The following DPYD variants were observed in gnomAD, a reference collection of about 807,000 sequenced individuals.
DPYD encodes dihydropyrimidine dehydrogenase, also known as dihydropyrimidine dehydrogenase [NADP(+)].
In DPYD, 109 loss-of-function variants were observed where a neutral mutation model predicts 116.2. The ratio of observed to expected loss-of-function variants is 0.94; its 90% CI spans 0.80 to 1.10. DPYD has a LOEUF of 1.10. Ranked by LOEUF, DPYD falls within the 50% of genes least tolerant of loss-of-function variation. DPYD has a pLI of 0.00. For synonymous variants in DPYD, 440 were observed against 432.0 expected, an observed-to-expected ratio of 1.02 and a Z score of -0.23; for missense variants, 1,302 against 1,254.5, an observed-to-expected ratio of 1.04 and a Z score of -0.57.
At chr1:97,599,987 G>T (rs1003350437) in intron 8 of DPYD, among the ~76,000 whole-genome samples, 5 of 151,526 alleles carry the variant, frequency 3.3e-5, no homozygotes, top group Non-Finnish European at 2.9e-5. Flanking sequence ...AGAGGTTGCA[G>T]TGAGCTGAGA....
At chr1:97,606,456 C>T (rs887694686) in intron 8 of DPYD, among the ~76,000 whole-genome samples, 2 of 151,866 alleles carry the variant, frequency 1.3e-5, no homozygotes, top group Non-Finnish European at 2.9e-5. Context: ...CATTCTAAAG[C>T]TGAGTCTTAA....
intron 12 of DPYD, among the ~76,000 whole-genome samples, chr1:97,539,125 T>A (rs1650231819): frequency 6.6e-6 from 1 of 152,202 alleles, no homozygotes; most frequent in Non-Finnish European, 1.5e-5. Context: ...GTTGTTGTTT[T>A]TATTGTTGTT....
At chr1:97,604,209 C>G (rs1292049540) in intron 8 of DPYD, among the ~76,000 whole-genome samples, 2 of 152,122 alleles carry the variant, frequency 1.3e-5, no homozygotes, top group Admixed American at 6.6e-5. Flanking sequence ...CTAATGAGCT[C>G]TTGGCTCTGT....
intron 3 of DPYD, among the ~76,000 whole-genome samples, chr1:97,825,721 T>C (rs905186061): frequency 3.3e-5 from 5 of 151,684 alleles, no homozygotes; most frequent in African/African-American, 1.2e-4. Flanking sequence ...TGTATACATA[T>C]GTAACTAACC....
intron 8 of DPYD, among the ~76,000 whole-genome samples, chr1:97,630,267 T>C (rs970014660): frequency 6.6e-6 from 1 of 152,162 alleles, no homozygotes; most frequent in South Asian, 2.1e-4. Context: ...TAAAGTTTTC[T>C]GTGCAATTTG....
At chr1:97,765,479 C>T (rs1336421075) in intron 3 of DPYD, among the ~76,000 whole-genome samples, 1 of 152,180 alleles carries the variant, frequency 6.6e-6, no homozygotes, top group Non-Finnish European at 1.5e-5. Context: ...ACAGTCAACA[C>T]AGAGAATCTA....
chr1:97,676,725 C>T (rs1358219922), intron 8 of DPYD, among the ~76,000 whole-genome samples: 7 of 152,142 alleles, frequency 4.6e-5, no homozygotes, highest in African/African-American at 1.7e-4. Flanking sequence ...TATGGTAATA[C>T]AAAGGTCATA....
rs1176788664 is a variant in DPYD, at chr1:97,737,806, T to A, written c.321+2586A>T. Among the ~76,000 whole-genome samples the A allele has an allele frequency of 3.3e-5, 5 of 152,174 alleles. No individual in the cohort carries two copies. The South Asian group carries it at 6.2e-4, about 19-fold the overall frequency. On this transcript the variant is annotated intron_variant, in intron 4 of 22. Coordinates refer to ENST00000370192, the MANE Select transcript of DPYD (RefSeq NM_000110.4). ...ACATACATGCATACACACAAACACG[T>A]ATCAATGTAACTTTCTTATAAATGC...
At chr1:97,425,822 A>G (rs1294227211) in intron 14 of DPYD, among the ~76,000 whole-genome samples, 2 of 151,928 alleles carry the variant, frequency 1.3e-5, no homozygotes, top group Non-Finnish European at 2.9e-5. Flanking sequence ...TTTTTCAGAA[A>G]TTTCACTTGT....
At position 97,393,830 on chromosome 1, in the gene DPYD, T is replaced by C. The variant is rs1020991621; in HGVS notation, c.1906-11369A>G. On this transcript the variant is annotated intron_variant, in intron 14 of 22. Coordinates refer to ENST00000370192, the MANE Select transcript of DPYD (RefSeq NM_000110.4). ...TCAGTAATGGGATCACTGGGTCAAA[T>C]GGTATTTCTAGTTCTAGATCCTTGA... Among the ~76,000 whole-genome samples, 5 of 152,288 alleles carry C rather than the reference T, an allele frequency of 3.3e-5. No homozygotes were observed. The East Asian group carries it at 9.7e-4, about 29-fold the overall frequency.
intron 16 of DPYD, among the ~76,000 whole-genome samples, chr1:97,317,327 C>T (rs1667916883): frequency 1.3e-5 from 2 of 151,842 alleles, no homozygotes; most frequent in Admixed American, 1.3e-4. Context: ...AAATTGTGGA[C>T]CAGCTGAGCC....
rs376745317 is a variant in DPYD at position 97,911,367 on chromosome 1, T to C, written c.39+9517A>G. The stretch of plus-strand genomic sequence containing the variant: ...AAATTTTTCTCTGCAAATGTTTTTA[T>C]CTCTTTCAGAAAAGACAGAGCCTTA... On this transcript the variant is annotated intron_variant, in intron 1 of 22. Coordinates refer to ENST00000370192, the MANE Select transcript of DPYD (RefSeq NM_000110.4). 3.1e-4 allele frequency among the ~76,000 whole-genome samples: 47 copies of C among 152,228 alleles called. 2 individuals carry two copies. The South Asian group carries it at 9.5e-3, about 31-fold the overall frequency.
intron 21 of DPYD, among the ~76,000 whole-genome samples, chr1:97,088,669 A>AT (rs1570434739): frequency 6.6e-6 from 1 of 151,946 alleles, no homozygotes; most frequent in Non-Finnish European, 1.5e-5. Flanking sequence ...CATGTGTATA[A>AT]TTTTTTTGAT....
chr1:97,670,370 T>C (rs1047556456), intron 8 of DPYD, among the ~76,000 whole-genome samples: 1 of 152,160 alleles, frequency 6.6e-6, no homozygotes, highest in African/African-American at 2.4e-5. Context: ...TAATTAGTTT[T>C]AGTTAAACTC....
chr1:97,853,413 A>C (rs1670664841), intron 2 of DPYD, among the ~76,000 whole-genome samples: 1 of 152,204 alleles, frequency 6.6e-6, no homozygotes, highest in African/African-American at 2.4e-5. Flanking sequence ...TGATAAAAAC[A>C]ATTAAGCTTG....
At chr1:97,311,603 C>T (rs72726691) in intron 16 of DPYD, among the ~76,000 whole-genome samples, 36,652 of 151,478 alleles carry the variant, frequency 0.24, 5,457 homozygotes, top group Admixed American at 0.39. Flanking sequence ...TCCACTCTTA[C>T]GTATATGTCC....
intron 8 of DPYD, among the ~76,000 whole-genome samples, chr1:97,674,614 T>C (rs958169682): frequency 1.3e-4 from 19 of 151,752 alleles, no homozygotes; most frequent in Non-Finnish European, 2.5e-4. Context: ...TCTATAACAG[T>C]GACTCTTAAA....
chr1:97,486,651 G>A (rs1047052321), intron 13 of DPYD, among the ~76,000 whole-genome samples: 6 of 152,156 alleles, frequency 3.9e-5, no homozygotes, highest in Admixed American at 1.3e-4. Flanking sequence ...CACTGTTAGT[G>A]CTATCCAAAT....
At chr1:97,880,131 A>T (rs1378985019) in intron 2 of DPYD, among the ~76,000 whole-genome samples, 2 of 151,866 alleles carry the variant, frequency 1.3e-5, no homozygotes, top group Non-Finnish European at 2.9e-5. Flanking sequence ...GATAGTATTA[A>T]AAGTAAGGAG....
Sources: gnomAD v4.1 joint callset for allele counts (sites outside exome capture counted in the v4.1 genomes callset) on GRCh38, gnomAD v4.1.1 for gene constraint, MANE v1.5 for transcripts, NCBI Gene and HGNC (gene_info 2026-07-23, HGNC 2026-07-21) for gene names.